The following KIZ variants were observed in gnomAD, a reference collection of about 807,000 sequenced individuals.
KIZ encodes kizuna centrosomal protein.
Under a neutral mutation model 79.6 loss-of-function variants are expected in KIZ, and 68 were observed. The observed-to-expected ratio is 0.85, with a 90% CI of 0.70 to 1.05. The LOEUF is 1.05. Among genes scored for constraint, KIZ ranks in the 50% least tolerant of loss-of-function variants. The pLI, the probability that KIZ is intolerant of heterozygous loss-of-function variation, is 0.00. For missense variants in KIZ, 797 were observed against 800.4 expected, an observed-to-expected ratio of 1.00 and a Z score of 0.05; for synonymous variants, 280 against 281.8, an observed-to-expected ratio of 0.99 and a Z score of 0.06.
chr20:21,221,095 A>G (rs913934409), intron 9 of KIZ, among the ~76,000 whole-genome samples: 1 of 152,094 alleles, frequency 6.6e-6, no homozygotes, highest in African/African-American at 2.4e-5. Context: ...TGCCTGAAAC[A>G]CTCAGGCCAT....
chr20:21,147,278 A>C lies in KIZ; in HGVS notation c.405+1624A>C, dbSNP rs1600383542. Among the ~76,000 whole-genome samples, 3 of 152,318 alleles carry C rather than the reference A, an allele frequency of 2.0e-5. No individual in the cohort carries two copies. The South Asian group carries it at 6.2e-4, about 32-fold the overall frequency. On this transcript the variant is annotated intron_variant, in intron 4 of 12. Transcript: ENST00000619189. Reference sequence around the variant, plus strand: ...ACATATAATAATTAGAAGTCTTTTCATTTATATGGAAAGGTGTCATTTCCT... The same window carrying C: ...ACATATAATAATTAGAAGTCTTTTCCTTTATATGGAAAGGTGTCATTTCCT...
intron 6 of KIZ, among the ~76,000 whole-genome samples, chr20:21,175,288 T>C (rs2034386168): frequency 1.3e-5 from 2 of 152,232 alleles, no homozygotes; most frequent in South Asian, 4.1e-4. Flanking sequence ...TATCCTTATT[T>C]TGGTCTAAAT....
chr20:21,203,824 T>C (rs983087024), intron 6 of KIZ, among the ~76,000 whole-genome samples: 1 of 152,224 alleles, frequency 6.6e-6, no homozygotes, highest in African/African-American at 2.4e-5. Context: ...AAATTAGCCA[T>C]CTTAACCATT....
chr20:21,241,152 T>C (rs1052003390), intron 11 of KIZ, among the ~76,000 whole-genome samples: 2 of 152,268 alleles, frequency 1.3e-5, no homozygotes, highest in African/African-American at 4.8e-5. Context: ...TCTACTCTAG[T>C]AGCCAAAGTA....
At chr20:21,238,913 A>G (rs550885800) in intron 11 of KIZ, among the ~76,000 whole-genome samples, 64 of 152,278 alleles carry the variant, frequency 4.2e-4, no homozygotes, top group African/African-American at 1.4e-3. Context: ...AACTTCACGC[A>G]TCTCAGGCCT....
chr20:21,163,242 T>G, intron 6 of KIZ, 83 bp downstream of exon 6: 1 of 925,114 alleles, frequency 1.1e-6, no homozygotes, highest in Non-Finnish European at 1.7e-6. Flanking sequence ...GAATGTATTA[T>G]CGAGCACTCA....
In KIZ at chr20:21,232,676, T is replaced by C. The variant is rs2036872523; in HGVS notation, c.1784-58T>C. On this transcript the variant is annotated intron_variant, in intron 10 of 12. Coordinates refer to ENST00000619189, the MANE Select transcript of KIZ (RefSeq NM_018474.6). ...CTTACTGTGAGGCCACTTTATTCATTTTGTCCCATGGCTGCATGACAGCTA... is the reference window on the plus strand; with the variant it reads ...CTTACTGTGAGGCCACTTTATTCATCTTGTCCCATGGCTGCATGACAGCTA... 69 of 861,318 alleles carry C rather than the reference T, an allele frequency of 8.0e-5. 2 individuals are homozygous for C. In the South Asian group the frequency reaches 9.7e-4, roughly 12 times the overall value. The allele number at this position is 861,318 out of a possible 1,614,324, so 53.4% of individuals were successfully genotyped here. A position where few individuals can be genotyped will look rare whatever the true frequency, so the allele number is the denominator to read the frequency against.
intron 6 of KIZ, among the ~76,000 whole-genome samples, chr20:21,186,617 T>C (rs986882191): frequency 4.0e-5 from 6 of 150,018 alleles, no homozygotes; most frequent in African/African-American, 1.5e-4. Context: ...GTAAACCAAT[T>C]TTGGGAAGGT....
chr20:21,206,234 C>G (rs1407344957), intron 7 of KIZ, among the ~76,000 whole-genome samples: 1 of 152,158 alleles, frequency 6.6e-6, no homozygotes, highest in Non-Finnish European at 1.5e-5. Context: ...CATTACTGTA[C>G]ACAGATATCA....
intron 6 of KIZ, among the ~76,000 whole-genome samples, chr20:21,188,676 TTTTATTTATTTATTTA>T (rs149324316): frequency 5.6e-5 from 8 of 141,882 alleles, no homozygotes; most frequent in Admixed American, 2.1e-4. Context: ...TTGCATTTTA[TTTTATTTATTTATTTA>T]TTTATTTATT....
intron 6 of KIZ, among the ~76,000 whole-genome samples, chr20:21,165,383 A>G (rs1486728369): frequency 6.6e-6 from 1 of 152,076 alleles, no homozygotes; most frequent in Non-Finnish European, 1.5e-5. Flanking sequence ...AGAGCAAAGG[A>G]CCCCATGGGT....
chr20:21,131,978 T>C, intron 1 of KIZ, 119 bp from the exon 2 acceptor site: 2 of 575,936 alleles, frequency 3.5e-6, no homozygotes, highest in Non-Finnish European at 6.2e-6. Flanking sequence ...GTATTTGGGC[T>C]TTTTTTGACC....
chr20:21,213,848 A>C (rs1035215208), intron 7 of KIZ: 2 of 152,228 alleles, frequency 1.3e-5, no homozygotes, highest in African/African-American at 4.8e-5. Context: ...AAGTAAGACA[A>C]TGCCTTTGAA....
chr20:21,205,701 G>A lies in KIZ; in HGVS notation c.1446+117G>A, dbSNP rs149218441. The A allele has an allele frequency of 2.0e-4, 104 of 532,890 alleles. 2 individuals are homozygous for A. Among genetic ancestry groups the A allele is most frequent in the African/African-American group, 1.6e-3 (81 of 50,512 alleles). 33.0% of individuals were successfully genotyped at this position (532,890 alleles called of 1,614,324 possible). A position where few individuals can be genotyped will look rare whatever the true frequency, so the allele number is the denominator to read the frequency against. On this transcript the variant is annotated intron_variant, in intron 7 of 12. Transcript: ENST00000619189. ...GTTTTGGCCAGGCGCCGTGGCTCAC[G>A]CCTGTAATCCCAGCACTTTTGGATG...
At chr20:21,182,576 G>C (rs531355636) in intron 6 of KIZ, among the ~76,000 whole-genome samples, 1 of 152,220 alleles carries the variant, frequency 6.6e-6, no homozygotes, top group South Asian at 2.1e-4. Context: ...TGGGCGGATT[G>C]CCTGAGTTCA....
In KIZ at chr20:21,239,525, TTAAA is replaced by T. The variant is rs563971067; in HGVS notation, c.1881-4717_1881-4714del. Among the ~76,000 whole-genome samples the T allele has an allele frequency of 7.2e-5, 11 of 152,352 alleles. No homozygotes were observed. In the South Asian group the frequency reaches 1.5e-3, roughly 20 times the overall value. On this transcript the variant is annotated intron_variant, in intron 11 of 12. Coordinates refer to ENST00000619189, the MANE Select transcript of KIZ (RefSeq NM_018474.6). ...ATAATCTGTGAATGCTGTGTTCTAATTAAATAGTGGGTTTCTTGGCCTTGGGTAT... is the reference window on the plus strand; with the variant it reads ...ATAATCTGTGAATGCTGTGTTCTAATTAGTGGGTTTCTTGGCCTTGGGTAT...
chr20:21,146,123 A>G (rs921344712), intron 4 of KIZ, among the ~76,000 whole-genome samples: 30 of 152,242 alleles, frequency 2.0e-4, no homozygotes, highest in African/African-American at 4.6e-4. Context: ...AAATTCTGCT[A>G]TGTATCTGCT....
chr20:21,185,970 A>G (rs909653508), intron 6 of KIZ, among the ~76,000 whole-genome samples: 2 of 152,112 alleles, frequency 1.3e-5, no homozygotes, highest in Non-Finnish European at 2.9e-5. Context: ...GGCACCTGCT[A>G]TATAGTTTGC....
chr20:21,194,630 T>C (rs1363489476), intron 6 of KIZ: 3 of 152,224 alleles, frequency 2.0e-5, no homozygotes, highest in Non-Finnish European at 4.4e-5. Flanking sequence ...ATAGTGCTTG[T>C]GGCCAGCTGA....
Sources: allele counts gnomAD v4.1 joint callset (sites outside exome capture counted in the v4.1 genomes callset), GRCh38; gene constraint gnomAD v4.1.1; transcripts MANE v1.5; gene names NCBI Gene and HGNC (gene_info 2026-07-23, HGNC 2026-07-21).